Variants in VLDLR observed in about 807,000 individuals in gnomAD.
VLDLR encodes the protein very low-density lipoprotein receptor.
In VLDLR, 81 loss-of-function variants were observed where a neutral mutation model predicts 112.7. The ratio of observed to expected loss-of-function variants is 0.72; its 90% CI spans 0.60 to 0.86. The LOEUF is 0.86. Ranked by LOEUF, VLDLR falls within the 40% of genes least tolerant of loss-of-function variation. The probability of loss-of-function intolerance (pLI) is 0.00; values close to 1 mark genes in which losing one functional copy is unlikely to be tolerated. For synonymous variants in VLDLR, 436 were observed against 384.8 expected (o/e 1.13, Z -1.56); for missense variants, 1,237 against 1,099.4 (o/e 1.13, Z -1.77).
At position 2,648,717 on chromosome 9, in the gene VLDLR, A is replaced by T. The variant is rs1301671193; in HGVS notation, c.2011A>T (p.Asn671Tyr). Residue 671 changes from asparagine (N) to tyrosine (Y), a missense_variant, in exon 14 of 19, where the codon AAT becomes TAT. Physicochemically the swap from Asn to Tyr is moderately radical, Grantham distance 143. Transcript: ENST00000382100. ...DGENEAVYGA[N>Y]KFTGSELATL... The stretch of plus-strand genomic sequence containing the variant: ...GGAAAATGAAGCAGTCTATGGTGCC[A>T]ATAAATTCACTGGATCAGAGCTAGC... 6.2e-7 allele frequency: 1 copy of T among 1,614,076 alleles called. No individual in the cohort carries two copies. The highest frequency in any genetic ancestry group is 1.3e-5 in the African/African-American group (1 of 74,916).
chr9:2,649,648 T>G (rs1341983706), intron 14 of VLDLR, among the ~76,000 whole-genome samples: 2 of 152,192 alleles, frequency 1.3e-5, no homozygotes, highest in Non-Finnish European at 2.9e-5. Flanking sequence ...TGCCTCGGCC[T>G]CCTAAAGTGC....
chr9:2,627,002 T>A (rs565492912), intron 1 of VLDLR, among the ~76,000 whole-genome samples: 1 of 152,338 alleles, frequency 6.6e-6, no homozygotes, highest in East Asian at 1.9e-4. Flanking sequence ...GGAAACCACT[T>A]AATGTACATC....
rs12379259 is a variant in VLDLR, at chr9:2,622,121, A to G, written c.-69A>G. 1,081,084 of 1,400,890 alleles carry G rather than the reference A, an allele frequency of 0.77. 419,861 individuals are homozygous for G. The highest frequency in any genetic ancestry group is 0.89 in the African/African-American group (59,991 of 67,416). 86.8% of individuals were successfully genotyped at this position (1,400,890 alleles called of 1,614,324 possible). A position where few individuals can be genotyped will look rare whatever the true frequency, so the allele number is the denominator to read the frequency against. ...CCACCTTCTTCCTCCTTTCGGAAGGACTGGTAACTTGTCGTGCGGAGCGAA... is the reference window on the plus strand; with the variant it reads ...CCACCTTCTTCCTCCTTTCGGAAGGGCTGGTAACTTGTCGTGCGGAGCGAA... On this transcript the variant is annotated 5_prime_UTR_variant, in exon 1 of 19. Coordinates refer to ENST00000382100, the MANE Select transcript of VLDLR (RefSeq NM_003383.5).
rs1417810876 is a variant in VLDLR at position 2,654,998 on chromosome 9, T to TC, written c.*1131dup. ...CAGTGTGGTCCTGAGAACAGAAGCA[T>TC]CTGCATCACCTGGGAATGTATTAGA... On this transcript the variant is annotated 3_prime_UTR_variant, in exon 19 of 19. Transcript: ENST00000382100. The TC allele has an allele frequency of 2.0e-5, 3 of 152,172 alleles. No individual in the cohort carries two copies. Among genetic ancestry groups the TC allele is most frequent in the Non-Finnish European group, 2.9e-5 (2 of 68,050 alleles). 9.4% of individuals were successfully genotyped at this position (152,172 alleles called of 1,614,324 possible).
In VLDLR at chr9:2,633,811, T is replaced by C. The variant is rs186425438; in HGVS notation, c.83-1642T>C. Among the ~76,000 whole-genome samples, 12 of 152,204 alleles carry C rather than the reference T, an allele frequency of 7.9e-5. No homozygotes were observed. The East Asian group carries it at 2.1e-3, about 27-fold the overall frequency. On this transcript the variant is annotated intron_variant, in intron 1 of 18. Coordinates refer to ENST00000382100, the MANE Select transcript of VLDLR (RefSeq NM_003383.5). ...AACTGCAAGACACGTACCCTCAGCA[T>C]TGAGAATATTGCAAACATATTAAGA...
Position 2,643,411 on chromosome 9 carries a change from G to C in VLDLR, c.700G>C (p.Val234Leu). Residue 234 changes from valine (V) to leucine (L), a missense_variant, in exon 5 of 19, where the codon GTC becomes CTC. Physicochemically the swap from Val to Leu is conservative, Grantham distance 32. Transcript: ENST00000382100. ...ESLEQCGRQP[V>L]IHTKCPASEI... Reference sequence around the variant, plus strand: ...CCTGGAGCAGTGTGGCCGTCAGCCAGTCATACACACCAAGTGTCCAGCCAG... The same window carrying C: ...CCTGGAGCAGTGTGGCCGTCAGCCACTCATACACACCAAGTGTCCAGCCAG... 6.2e-7 allele frequency: 1 copy of C among 1,614,182 alleles called. No homozygotes were observed. Among genetic ancestry groups the C allele is most frequent in the Non-Finnish European group, 8.5e-7 (1 of 1,180,030 alleles).
In VLDLR at chr9:2,635,446, A is replaced by C. The variant is rs1817558237; in HGVS notation, c.83-7A>C. 3.7e-6 allele frequency: 6 copies of C among 1,613,854 alleles called. No individual in the cohort carries two copies. Among genetic ancestry groups the C allele is most frequent in the Non-Finnish European group, 5.1e-6 (6 of 1,179,886 alleles). ...TTGCTTTACCGAATGTTCCCTTCTT[A>C]TTCTAGGGAGAAAAGCCAAATGTGA... On this transcript the variant is annotated splice_polypyrimidine_tract_variant and splice_region_variant and intron_variant, in intron 1 of 18. Transcript: ENST00000382100.
chr9:2,648,544 A>G, intron 13 of VLDLR, 125 bp from the exon 14 acceptor site: 2 of 1,540,806 alleles, frequency 1.3e-6, no homozygotes, highest in East Asian at 2.2e-5. Flanking sequence ...ACAGTTTTAT[A>G]TCCAGTGTCC....
rs1326596426 is a variant in VLDLR, at chr9:2,657,767, C to T, written c.*3899C>T. 2 of 152,094 alleles carry T rather than the reference C, an allele frequency of 1.3e-5. No individual in the cohort carries two copies. Among genetic ancestry groups the T allele is most frequent in the African/African-American group, 2.4e-5 (1 of 41,402 alleles). The allele number at this position is 152,094 out of a possible 1,614,324, so 9.4% of individuals were successfully genotyped here. ...AGCATCTAACCGGAGTGGGAGGGCA[C>T]ATCAAGCGATTTCACTCTCTTAAAG... On this transcript the variant is annotated 3_prime_UTR_variant, in exon 19 of 19. Coordinates refer to ENST00000382100, the MANE Select transcript of VLDLR (RefSeq NM_003383.5).
chr9:2,646,515 C>G lies in VLDLR; in HGVS notation c.1666C>G (p.Arg556Gly). 6.2e-7 allele frequency: 1 copy of G among 1,614,120 alleles called. No individual in the cohort carries two copies. Among genetic ancestry groups the G allele is most frequent in the Admixed American group, 1.7e-5 (1 of 60,006 alleles). The part of the protein sequence containing the change: ...KRKFLFNSDL[R>G]EPASIAVDPL... ...GAAGTTCCTGTTTAACTCTGACTTGCGAGAGCCTGCCTCCATAGCTGTGGA... is the reference window on the plus strand; with the variant it reads ...GAAGTTCCTGTTTAACTCTGACTTGGGAGAGCCTGCCTCCATAGCTGTGGA... Residue 556 changes from arginine (R) to glycine (G), a missense_variant, in exon 11 of 19, where the codon CGA (arginine) becomes GGA (glycine). Coordinates refer to ENST00000382100, the MANE Select transcript of VLDLR (RefSeq NM_003383.5).
chr9:2,648,579 T>C, intron 13 of VLDLR, 90 bp from the exon 14 acceptor site: 1 of 1,595,534 alleles, frequency 6.3e-7, no homozygotes, highest in Non-Finnish European at 8.6e-7. Flanking sequence ...GTAAACTTAG[T>C]CCATTAAATG....
chr9:2,627,884 T>C (rs914278466), intron 1 of VLDLR, among the ~76,000 whole-genome samples: 1 of 149,394 alleles, frequency 6.7e-6, no homozygotes, highest in Non-Finnish European at 1.5e-5. Flanking sequence ...AAAAAAAAAT[T>C]GCTACAAAGA....
At chr9:2,642,263 C>G (rs1293775980) in intron 4 of VLDLR, among the ~76,000 whole-genome samples, 1 of 152,290 alleles carries the variant, frequency 6.6e-6, no homozygotes, top group South Asian at 2.1e-4. Context: ...CCAAGTCTGA[C>G]AAGCATGGGC....
chr9:2,648,478 G>T, intron 13 of VLDLR, 131 bp downstream of exon 13: 2 of 1,526,902 alleles, frequency 1.3e-6, no homozygotes, highest in Non-Finnish European at 1.8e-6. Context: ...CTTAAAACCT[G>T]GTACAAATCA....
At chr9:2,628,359 T>C (rs1218568549) in intron 1 of VLDLR, among the ~76,000 whole-genome samples, 1 of 152,064 alleles carries the variant, frequency 6.6e-6, no homozygotes, top group African/African-American at 2.4e-5. Flanking sequence ...AAGGGCAACA[T>C]GAACAAACTG....
intron 1 of VLDLR, among the ~76,000 whole-genome samples, 185 bp from the exon 2 acceptor site, chr9:2,635,268 T>C (rs1403595177): frequency 6.6e-6 from 1 of 152,206 alleles, no homozygotes; most frequent in South Asian, 2.1e-4. Context: ...AGTCTTAGCA[T>C]GCACCCAGCT....
intron 1 of VLDLR, among the ~76,000 whole-genome samples, chr9:2,631,680 A>G (rs7030282): frequency 0.13 from 18,591 of 141,708 alleles, 1,535 homozygotes; most frequent in African/African-American, 0.24. Flanking sequence ...GGGAGAGCAG[A>G]TGAAAGGAAG....
intron 4 of VLDLR, among the ~76,000 whole-genome samples, chr9:2,642,583 G>T (rs926450681): frequency 6.6e-6 from 1 of 152,198 alleles, no homozygotes; most frequent in African/African-American, 2.4e-5. Flanking sequence ...GCTTATCATT[G>T]TCAGCATACC....
chr9:2,641,672 A>C (rs543180571), intron 4 of VLDLR, among the ~76,000 whole-genome samples, 173 bp downstream of exon 4: 1 of 152,310 alleles, frequency 6.6e-6, no homozygotes, highest in East Asian at 1.9e-4. Context: ...CCTAAAAGAC[A>C]TTCATGTGGC....
Sources: gnomAD v4.1 joint callset for allele counts (sites outside exome capture counted in the v4.1 genomes callset) on GRCh38, gnomAD v4.1.1 for gene constraint, MANE v1.5 for transcripts, NCBI Gene and HGNC (gene_info 2026-07-23, HGNC 2026-07-21) for gene names.